CTXND1: variants seen among roughly 807,000 people sequenced by gnomAD.
CTXND1 encodes the protein cortexin domain-containing 1 protein.
At chr15:80,217,144 G>A (rs1366040384) in intron 1 of CTXND1, among the ~76,000 whole-genome samples, 1 of 151,978 alleles carries the variant, frequency 6.6e-6, no homozygotes, top group African/African-American at 2.4e-5. Context: ...TTCATCTTGG[G>A]GTTTTTCTAT....
At chr15:80,234,092 C>A (rs962582753) in intron 1 of CTXND1, among the ~76,000 whole-genome samples, 2 of 152,204 alleles carry the variant, frequency 1.3e-5, no homozygotes, top group African/African-American at 4.8e-5. Flanking sequence ...TCCAGCAAAA[C>A]CAGCACATTG....
intron 1 of CTXND1, among the ~76,000 whole-genome samples, chr15:80,209,566 G>C (rs1893183519): frequency 6.6e-6 from 1 of 152,262 alleles, no homozygotes. Flanking sequence ...CAGTGTACTT[G>C]TCAAAGCGTG....
chr15:80,204,769 A>C (rs1332621314), intron 1 of CTXND1, among the ~76,000 whole-genome samples: 1 of 151,610 alleles, frequency 6.6e-6, no homozygotes. Flanking sequence ...TGGGTGTACA[A>C]ATCTCTCCTT....
intron 1 of CTXND1, among the ~76,000 whole-genome samples, chr15:80,227,929 GTTTGACAGCA>G (rs1457137892): frequency 6.6e-6 from 1 of 152,230 alleles, no homozygotes; most frequent in African/African-American, 2.4e-5. Context: ...AGTGCTGGTT[GTTTGACAGCA>G]TTTCACCCAC....
chr15:80,219,371 C>CT (rs1232094064), intron 1 of CTXND1, among the ~76,000 whole-genome samples: 14 of 152,246 alleles, frequency 9.2e-5, no homozygotes, highest in African/African-American at 3.4e-4. Context: ...TTGTTTCTTT[C>CT]TTTTCCACTA....
intron 1 of CTXND1, among the ~76,000 whole-genome samples, chr15:80,231,334 C>A (rs537082048): frequency 1.3e-5 from 2 of 151,716 alleles, no homozygotes; most frequent in Admixed American, 1.3e-4. Context: ...CAGAGCCTTG[C>A]CACCTTCTCT....
chr15:80,227,115 G>A (rs1334233427), intron 1 of CTXND1, among the ~76,000 whole-genome samples: 2 of 151,960 alleles, frequency 1.3e-5, no homozygotes, highest in South Asian at 2.1e-4. Flanking sequence ...CATTTTCTAT[G>A]TTTCCTCTGA....
chr15:80,213,755 A>G (rs979509397), intron 1 of CTXND1, among the ~76,000 whole-genome samples: 2 of 152,246 alleles, frequency 1.3e-5, no homozygotes, highest in African/African-American at 4.8e-5. Flanking sequence ...ACGAGGAGCA[A>G]CATCTTTAGG....
chr15:80,218,558 G>C (rs1893278040), intron 1 of CTXND1, among the ~76,000 whole-genome samples: 1 of 151,976 alleles, frequency 6.6e-6, no homozygotes, highest in South Asian at 2.1e-4. Context: ...TCAATTGTAT[G>C]CTTTCCTTGC....
chr15:80,248,355 A>G (rs1203945756), intron 1 of CTXND1, among the ~76,000 whole-genome samples: 1 of 152,224 alleles, frequency 6.6e-6, no homozygotes, highest in African/African-American at 2.4e-5. Flanking sequence ...TCATTTCTAC[A>G]GATGATCCTA....
intron 1 of CTXND1, among the ~76,000 whole-genome samples, chr15:80,246,925 C>T (rs1893637845): frequency 6.6e-6 from 1 of 152,190 alleles, no homozygotes; most frequent in Non-Finnish European, 1.5e-5. Flanking sequence ...CAGTCGGATT[C>T]AGATGTCACA....
At chr15:80,233,012 G>T (rs2142135732) in intron 1 of CTXND1, among the ~76,000 whole-genome samples, 1 of 140,380 alleles carries the variant, frequency 7.1e-6, no homozygotes, top group South Asian at 2.2e-4. Context: ...GCGCGATCTT[G>T]GCCCACTGCA....
intron 1 of CTXND1, among the ~76,000 whole-genome samples, chr15:80,245,461 C>T (rs925337788): frequency 8.5e-5 from 13 of 152,300 alleles, no homozygotes; most frequent in African/African-American, 3.1e-4. Flanking sequence ...ACCTTCAGAT[C>T]CTGGTTGGGA....
intron 1 of CTXND1, among the ~76,000 whole-genome samples, chr15:80,235,996 T>C (rs1033807961): frequency 6.8e-6 from 1 of 147,022 alleles, no homozygotes; most frequent in Admixed American, 6.9e-5. Context: ...CATCTGGACT[T>C]ACCTTGTGCT....
At chr15:80,211,181 G>A (rs1184108757) in intron 1 of CTXND1, among the ~76,000 whole-genome samples, 1 of 152,200 alleles carries the variant, frequency 6.6e-6, no homozygotes, top group Non-Finnish European at 1.5e-5. Context: ...CAGAAGGTGA[G>A]AGCCAGTTCC....
chr15:80,224,125 G>A (rs904711651), intron 1 of CTXND1, among the ~76,000 whole-genome samples: 2 of 152,166 alleles, frequency 1.3e-5, no homozygotes, highest in Non-Finnish European at 2.9e-5. Context: ...AGAGGAAAGA[G>A]GGATGCCTGA....
intron 1 of CTXND1, among the ~76,000 whole-genome samples, chr15:80,217,674 G>A (rs1158670966): frequency 1.3e-5 from 2 of 151,952 alleles, no homozygotes; most frequent in African/African-American, 2.4e-5. Context: ...AGCCTCCCAA[G>A]TAGCTGGGAC....
chr15:80,226,939 C>T (rs1893378569), intron 1 of CTXND1, among the ~76,000 whole-genome samples: 1 of 152,134 alleles, frequency 6.6e-6, no homozygotes, highest in South Asian at 2.1e-4. Flanking sequence ...ATTCACCATT[C>T]TGAAATCCTG....
chr15:80,217,457 T>A (rs1162195907), intron 1 of CTXND1, among the ~76,000 whole-genome samples: 1 of 152,178 alleles, frequency 6.6e-6, no homozygotes, highest in Non-Finnish European at 1.5e-5. Flanking sequence ...GTGTCAAGGT[T>A]GTGCTAATTT....
Sources: gnomAD v4.1 joint callset for allele counts (sites outside exome capture counted in the v4.1 genomes callset) on GRCh38, gnomAD v4.1.1 for gene constraint, MANE v1.5 for transcripts, NCBI Gene and HGNC (gene_info 2026-07-23, HGNC 2026-07-21) for gene names.